FDCSP: variants seen among roughly 807,000 people sequenced by gnomAD.
The protein encoded by FDCSP is follicular dendritic cell secreted protein, also known as follicular dendritic cell secreted peptide.
A neutral mutation model predicts 8.9 loss-of-function variants in FDCSP; 8 were observed. That is an observed-to-expected ratio of 0.90 (90% CI 0.53 to 1.63). FDCSP has a LOEUF of 1.63. Among genes scored for constraint, FDCSP ranks in the 40% most tolerant of loss-of-function variants. The pLI is 0.00. For missense variants in FDCSP, 101 were observed against 103.6 expected (o/e 0.98, Z 0.11); for synonymous variants, 34 against 34.5 (o/e 0.98, Z 0.06).
chr4:70,228,816 A>C (rs1730032041), intron 1 of FDCSP, among the ~76,000 whole-genome samples: 2 of 151,724 alleles, frequency 1.3e-5, no homozygotes, highest in African/African-American at 4.8e-5. Flanking sequence ...CTAAGAAGTG[A>C]GCTGAAAATA....
chr4:70,233,964 T>C, intron 3 of FDCSP, 56 bp from the exon 4 acceptor site: 1 of 1,500,120 alleles, frequency 6.7e-7, no homozygotes, highest in Non-Finnish European at 8.9e-7. Context: ...AAAGCTGTTT[T>C]ATTTCTCTTC....
chr4:70,226,585 T>A (rs1178059725), intron 1 of FDCSP, among the ~76,000 whole-genome samples: 1 of 151,886 alleles, frequency 6.6e-6, no homozygotes, highest in Non-Finnish European at 1.5e-5. Context: ...CAAGTGCCAA[T>A]TTCTTTGGCC....
chr4:70,233,811 G>T (rs909277659), intron 3 of FDCSP, among the ~76,000 whole-genome samples: 3 of 151,550 alleles, frequency 2.0e-5, no homozygotes, highest in African/African-American at 7.3e-5. Flanking sequence ...AACTGGAAAG[G>T]TATAGGAACA....
At chr4:70,226,582 C>A (rs964313485) in intron 1 of FDCSP, among the ~76,000 whole-genome samples, 23 of 151,824 alleles carry the variant, frequency 1.5e-4, no homozygotes, top group African/African-American at 5.6e-4. Context: ...GAGCAAGTGC[C>A]AATTTCTTTG....
intron 1 of FDCSP, 62 bp from the exon 2 acceptor site, chr4:70,231,133 T>C: frequency 7.4e-7 from 1 of 1,359,152 alleles, no homozygotes; most frequent in Non-Finnish European, 1.0e-6. Context: ...TTTAGCTGAC[T>C]TCTAGGATAT....
chr4:70,227,844 A>G (rs940463599), intron 1 of FDCSP, among the ~76,000 whole-genome samples: 15 of 151,856 alleles, frequency 9.9e-5, no homozygotes, highest in Admixed American at 3.3e-4. Flanking sequence ...AACAACATAC[A>G]TATCTTAATT....
At chr4:70,232,859 T>C (rs1033115219) in intron 2 of FDCSP, 135 bp from the exon 3 acceptor site, 15 of 785,014 alleles carry the variant, frequency 1.9e-5, no homozygotes, top group Non-Finnish European at 3.1e-5. Flanking sequence ...TCTACATTTC[T>C]AGACAAATTA....
intron 1 of FDCSP, among the ~76,000 whole-genome samples, chr4:70,229,908 G>A (rs1340418980): frequency 1.3e-5 from 2 of 151,364 alleles, no homozygotes; most frequent in Non-Finnish European, 3.0e-5. Context: ...AATATTGCTA[G>A]GATTACCAAA....
At chr4:70,234,290 A>C in intron 4 of FDCSP, 75 bp downstream of exon 4, 1 of 1,216,176 alleles carries the variant, frequency 8.2e-7, no homozygotes, top group Non-Finnish European at 1.1e-6. Flanking sequence ...GGAAAAAAAA[A>C]TGTTAACTAT....
At chr4:70,230,114 A>G (rs2109684556) in intron 1 of FDCSP, among the ~76,000 whole-genome samples, 1 of 151,764 alleles carries the variant, frequency 6.6e-6, no homozygotes, top group Admixed American at 6.6e-5. Flanking sequence ...TATCAAGAAA[A>G]CCTTTATAAA....
intron 2 of FDCSP, 118 bp downstream of exon 2, chr4:70,231,369 G>A (rs538318364): frequency 2.6e-6 from 2 of 769,268 alleles, no homozygotes; most frequent in South Asian, 4.5e-5. Flanking sequence ...GAGCTACCAA[G>A]TGCAGTGGCT....
Position 70,231,182 on chromosome 4 carries a change from C to T in FDCSP, c.1-13C>T, listed in dbSNP as rs1041563311. ...GAAAGTTCTTCTTATTTTTTATTTACTCCATTTTGCAGATGAAGAAAGTTC... is the reference window on the plus strand; with the variant it reads ...GAAAGTTCTTCTTATTTTTTATTTATTCCATTTTGCAGATGAAGAAAGTTC... On this transcript the variant is annotated splice_polypyrimidine_tract_variant and intron_variant, in intron 1 of 4. Transcript: ENST00000317987. 1.9e-6 allele frequency: 3 copies of T among 1,581,960 alleles called. No homozygotes were observed. The Middle Eastern group carries it at 5.1e-4, about 267-fold the overall frequency.
intron 1 of FDCSP, among the ~76,000 whole-genome samples, chr4:70,229,698 T>G (rs1170534865): frequency 6.6e-6 from 1 of 151,492 alleles, no homozygotes; most frequent in South Asian, 2.1e-4. Flanking sequence ...GGCCAGTGAG[T>G]GGAGCAATCG....
chr4:70,231,467 A>ATCCCC (rs1730081597), intron 2 of FDCSP, among the ~76,000 whole-genome samples: 1 of 151,608 alleles, frequency 6.6e-6, no homozygotes, highest in Non-Finnish European at 1.5e-5. Context: ...CAACATAGCA[A>ATCCCC]TCCCCTCTCT....
chr4:70,226,833 C>T (rs1365117319), intron 1 of FDCSP, among the ~76,000 whole-genome samples: 1 of 148,144 alleles, frequency 6.8e-6, no homozygotes, highest in Non-Finnish European at 1.5e-5. Context: ...GGTAATTATG[C>T]TGTGTCCTGA....
In FDCSP at chr4:70,234,188, AC is replaced by A; in HGVS notation, c.*2del. 1 of 1,608,252 alleles carries A rather than the reference AC, an allele frequency of 6.2e-7. No homozygotes were observed. The highest frequency in any genetic ancestry group is 1.1e-5 in the South Asian group (1 of 90,494). ...AACTCCCCTTCCTAGCGAAAAGTAA[AC>A]AAGAAGGAAAAGTCACGATAAACCT... On this transcript the variant is annotated 3_prime_UTR_variant, in exon 4 of 5. Transcript: ENST00000317987.
chr4:70,232,204 A>G (rs1514405), intron 2 of FDCSP, among the ~76,000 whole-genome samples: 18,317 of 151,610 alleles, frequency 0.12, 1,341 homozygotes, highest in East Asian at 0.27. Flanking sequence ...GCCTTCATAT[A>G]CAATAACTCA....
At chr4:70,231,295 T>G in intron 2 of FDCSP, 44 bp downstream of exon 2, 1 of 1,424,048 alleles carries the variant, frequency 7.0e-7, no homozygotes, top group Non-Finnish European at 9.7e-7. Context: ...TGTATGGCCA[T>G]GTATGGCATA....
chr4:70,229,671 G>A (rs1363337152), intron 1 of FDCSP, among the ~76,000 whole-genome samples: 2 of 151,630 alleles, frequency 1.3e-5, no homozygotes, highest in Non-Finnish European at 3.0e-5. Context: ...AGGAGAGGAA[G>A]AGATAACTGG....
Sources: gnomAD v4.1 joint callset for allele counts (sites outside exome capture counted in the v4.1 genomes callset) on GRCh38, gnomAD v4.1.1 for gene constraint, MANE v1.5 for transcripts, NCBI Gene and HGNC (gene_info 2026-07-23, HGNC 2026-07-21) for gene names.